The following TMTC2 variants were observed in gnomAD, a reference collection of about 807,000 sequenced individuals.
TMTC2 encodes protein O-mannosyl-transferase TMTC2.
TMTC2 carries 43 observed loss-of-function variants against 82.4 expected under a neutral mutation model. That is an observed-to-expected ratio of 0.52 (90% confidence interval 0.41 to 0.67). The LOEUF is 0.67. Ranked by LOEUF, TMTC2 falls within the 30% of genes least tolerant of loss-of-function variation. TMTC2 has a pLI of 0.00. For missense variants in TMTC2, 919 were observed against 1,012.4 expected (o/e 0.91, Z 1.25); for synonymous variants, 408 against 381.9 (o/e 1.07, Z -0.80).
intron 1 of TMTC2, among the ~76,000 whole-genome samples, chr12:82,743,357 C>A (rs1036817701): frequency 1.3e-5 from 2 of 151,276 alleles, no homozygotes; most frequent in Non-Finnish European, 2.9e-5. Context: ...AGGAGAATTG[C>A]TTAAACTGGG....
chr12:83,069,661 A>T (rs1056237452), intron 11 of TMTC2, among the ~76,000 whole-genome samples: 2 of 152,060 alleles, frequency 1.3e-5, no homozygotes, highest in Admixed American at 6.6e-5. Context: ...TACTCTGCTG[A>T]CTGTTTCTTT....
rs934529984 is a variant in TMTC2, at chr12:82,772,498, C to T, written c.84-84512C>T. On this transcript the variant is annotated intron_variant, in intron 1 of 11. Coordinates refer to ENST00000321196, the MANE Select transcript of TMTC2 (RefSeq NM_152588.3). The stretch of plus-strand genomic sequence containing the variant: ...ACTAACTACATTTCAAGAACCCAGT[C>T]AACTCTTGTGAGTAGTGGCTACCAG... Among the ~76,000 whole-genome samples the T allele has an allele frequency of 3.9e-5, 6 of 152,300 alleles. No individual in the cohort carries two copies. The East Asian group carries it at 9.6e-4, about 24-fold the overall frequency.
rs117839687 is a variant in TMTC2 at position 82,904,360 on chromosome 12, C to T, written c.1483+7714C>T. Among the ~76,000 whole-genome samples, 114 of 152,248 alleles carry T rather than the reference C, an allele frequency of 7.5e-4. 1 individual carries two copies. In the East Asian group the frequency reaches 0.021, roughly 28 times the overall value. On this transcript the variant is annotated intron_variant, in intron 3 of 11. Transcript: ENST00000321196. ...GAAACAGTATGCATTAAAACTGCTG[C>T]CTTCAGTAATGGGTCCTGTAGACAG...
chr12:82,921,358 A>G (rs1000621532), intron 3 of TMTC2, among the ~76,000 whole-genome samples: 1 of 152,206 alleles, frequency 6.6e-6, no homozygotes, highest in Non-Finnish European at 1.5e-5. Flanking sequence ...TGAAATGAGG[A>G]TAGTAATACT....
chr12:83,054,277 G>A (rs1882454878), intron 10 of TMTC2, among the ~76,000 whole-genome samples: 1 of 152,040 alleles, frequency 6.6e-6, no homozygotes, highest in African/African-American at 2.4e-5. Flanking sequence ...ATATGTCTGT[G>A]CAAAGAAATA....
At chr12:82,783,290 C>CTGTGTGTGTG (rs72110651) in intron 1 of TMTC2, among the ~76,000 whole-genome samples, 1,587 of 119,348 alleles carry the variant, frequency 0.013, 19 homozygotes, top group African/African-American at 0.024. Context: ...GTATATGCCT[C>CTGTGTGTGTG]TGTGTGTGTG....
chr12:83,098,155 C>A (rs752864485), intron 11 of TMTC2, among the ~76,000 whole-genome samples: 1 of 152,066 alleles, frequency 6.6e-6, no homozygotes, highest in Non-Finnish European at 1.5e-5. Context: ...ATGGTTTGGT[C>A]CTACCCACAG....
chr12:82,759,926 T>C (rs1016019667), intron 1 of TMTC2: 13 of 152,230 alleles, frequency 8.5e-5, no homozygotes, highest in Admixed American at 6.6e-5. Flanking sequence ...ATGTGAACGA[T>C]AGTTATTTTG....
chr12:83,111,958 C>A (rs1269923263), intron 11 of TMTC2, among the ~76,000 whole-genome samples: 10 of 146,862 alleles, frequency 6.8e-5, no homozygotes, highest in Non-Finnish European at 1.0e-4. Flanking sequence ...AAAAAAAAAA[C>A]ATCCAGGTAT....
At chr12:82,934,336 C>T (rs1224307862) in intron 4 of TMTC2, among the ~76,000 whole-genome samples, 3 of 152,104 alleles carry the variant, frequency 2.0e-5, no homozygotes, top group South Asian at 2.1e-4. Context: ...CCCATCAACC[C>T]GTCATCTACA....
At chr12:82,857,627 T>G in intron 2 of TMTC2, 47 bp downstream of exon 2, 2 of 1,509,886 alleles carry the variant, frequency 1.3e-6, no homozygotes, top group Non-Finnish European at 1.8e-6. Flanking sequence ...AGTAATCTAC[T>G]TGCTTACTCC....
chr12:83,046,456 G>T (rs966247770), intron 9 of TMTC2, among the ~76,000 whole-genome samples: 1 of 152,086 alleles, frequency 6.6e-6, no homozygotes, highest in Non-Finnish European at 1.5e-5. Flanking sequence ...AGTCCTCCAG[G>T]TCATTCTGTT....
intron 3 of TMTC2, among the ~76,000 whole-genome samples, chr12:82,916,332 G>A (rs1339383217): frequency 6.6e-6 from 1 of 152,194 alleles, no homozygotes; most frequent in Admixed American, 6.6e-5. Context: ...ATTTGAAAAT[G>A]CAGTTATATT....
intron 1 of TMTC2, among the ~76,000 whole-genome samples, chr12:82,801,564 A>G (rs1048429961): frequency 2.6e-5 from 4 of 152,100 alleles, no homozygotes; most frequent in African/African-American, 9.7e-5. Flanking sequence ...GTCCGTTTTG[A>G]CAGATTGCTG....
At chr12:82,724,994 C>T (rs1314817868) in intron 1 of TMTC2, among the ~76,000 whole-genome samples, 1 of 152,142 alleles carries the variant, frequency 6.6e-6, no homozygotes, top group East Asian at 1.9e-4. Flanking sequence ...GGCTGAACAC[C>T]TCAAATTTTT....
intron 11 of TMTC2, among the ~76,000 whole-genome samples, chr12:83,123,294 T>G (rs539755106): frequency 6.6e-6 from 1 of 152,360 alleles, no homozygotes; most frequent in South Asian, 2.1e-4. Context: ...GTGTCTGATT[T>G]GTTTTATTCA....
intron 4 of TMTC2, among the ~76,000 whole-genome samples, chr12:82,954,222 C>T (rs946428205): frequency 1.3e-5 from 2 of 152,138 alleles, no homozygotes; most frequent in African/African-American, 4.8e-5. Context: ...TTTTCGTACA[C>T]ATGGCTTGAT....
intron 9 of TMTC2, among the ~76,000 whole-genome samples, chr12:83,045,752 C>CACACACACA (rs3223367): frequency 2.3e-4 from 34 of 149,180 alleles, no homozygotes; most frequent in South Asian, 8.6e-4. Flanking sequence ...CACACACACA[C>CACACACACA]CAGGAGTGTC....
intron 1 of TMTC2, among the ~76,000 whole-genome samples, chr12:82,847,050 AATACAGT>A (rs746756901): frequency 6.6e-6 from 1 of 152,132 alleles, no homozygotes; most frequent in Non-Finnish European, 1.5e-5. Context: ...AGGAATCTGA[AATACAGT>A]GCTCATCCCC....
Sources: gnomAD v4.1 joint callset for allele counts (sites outside exome capture counted in the v4.1 genomes callset) on GRCh38, gnomAD v4.1.1 for gene constraint, MANE v1.5 for transcripts, NCBI Gene and HGNC (gene_info 2026-07-23, HGNC 2026-07-21) for gene names.